ATG5: variants seen among roughly 807,000 people sequenced by gnomAD.
ATG5 encodes autophagy related 5, also known as autophagy protein 5.
A neutral mutation model predicts 36.5 loss-of-function variants in ATG5; 14 were observed. The ratio of observed to expected loss-of-function variants is 0.38; its 90% confidence interval spans 0.25 to 0.60. The LOEUF is 0.60. ATG5 is among the 20% of genes least tolerant of loss of function. The pLI is 0.60. For synonymous variants in ATG5, 95 were observed against 101.5 expected, an observed-to-expected ratio of 0.94 and a Z score of 0.38; for missense variants, 195 against 326.7, an observed-to-expected ratio of 0.60 and a Z score of 3.11.
intron 5 of ATG5, among the ~76,000 whole-genome samples, chr6:106,254,365 C>G (rs917264552): frequency 4.6e-5 from 7 of 152,146 alleles, no homozygotes; most frequent in African/African-American, 1.7e-4. Flanking sequence ...AAATGTAAGT[C>G]CCATGAGGGC....
At chr6:106,287,367 A>G (rs1780119809) in intron 4 of ATG5, among the ~76,000 whole-genome samples, 1 of 152,256 alleles carries the variant, frequency 6.6e-6, no homozygotes, top group African/African-American at 2.4e-5. Context: ...AAGCATGGTA[A>G]GCAAAACAGG....
chr6:106,299,609 T>A (rs1258466402), intron 3 of ATG5, among the ~76,000 whole-genome samples: 1 of 152,272 alleles, frequency 6.6e-6, no homozygotes, highest in Admixed American at 6.5e-5. Flanking sequence ...TATTCAATTC[T>A]CGAAATGAAT....
intron 7 of ATG5, among the ~76,000 whole-genome samples, chr6:106,197,396 C>A (rs1776239043): frequency 6.6e-6 from 1 of 152,000 alleles, no homozygotes; most frequent in African/African-American, 2.4e-5. Flanking sequence ...TAAACTCTGG[C>A]TTAAATTTCA....
At chr6:106,234,520 C>G (rs1777817276) in intron 6 of ATG5, among the ~76,000 whole-genome samples, 1 of 152,204 alleles carries the variant, frequency 6.6e-6, no homozygotes, top group Non-Finnish European at 1.5e-5. Flanking sequence ...ACTCCCAATG[C>G]ATCAGGTGGG....
chr6:106,208,540 G>GT, intron 6 of ATG5, among the ~76,000 whole-genome samples: 1 of 150,574 alleles, frequency 6.6e-6, no homozygotes, highest in East Asian at 1.9e-4. Context: ...ACGTTTTAAT[G>GT]TTTTTCTATA....
At position 106,222,449 on chromosome 6, in the gene ATG5, A is replaced by G. The variant is rs140535648; in HGVS notation, c.574-20360T>C. ...ACTTTCTGTAAAATTCCAGAATTTT[A>G]GCTGTTTCAATCTCTTCATATTAAG... On this transcript the variant is annotated intron_variant, in intron 6 of 7. Transcript: ENST00000369076. Among the ~76,000 whole-genome samples, 817 of 152,336 alleles carry G rather than the reference A, an allele frequency of 5.4e-3. 13 individuals are homozygous for G. Among genetic ancestry groups the G allele is most frequent in the African/African-American group, 0.019 (780 of 41,580 alleles).
intron 7 of ATG5, among the ~76,000 whole-genome samples, chr6:106,199,089 G>A (rs1776320195): frequency 6.6e-6 from 1 of 152,182 alleles, no homozygotes; most frequent in Non-Finnish European, 1.5e-5. Flanking sequence ...CTGAGGATGT[G>A]GAGAAACTGG....
chr6:106,251,114 C>T (rs569936399), intron 5 of ATG5, among the ~76,000 whole-genome samples: 19 of 152,364 alleles, frequency 1.2e-4, no homozygotes, highest in African/African-American at 4.6e-4. Context: ...CCCTTATCAA[C>T]ATCTCAATTT....
At chr6:106,303,290 C>CT (rs1770288781) in intron 3 of ATG5, among the ~76,000 whole-genome samples, 1 of 152,054 alleles carries the variant, frequency 6.6e-6, no homozygotes, top group South Asian at 2.1e-4. Flanking sequence ...ATAAACAACT[C>CT]TATGTTCATA....
At chr6:106,286,943 T>C (rs1476217246) in intron 4 of ATG5, among the ~76,000 whole-genome samples, 1 of 152,150 alleles carries the variant, frequency 6.6e-6, no homozygotes, top group Non-Finnish European at 1.5e-5. Context: ...GGCACCCTCA[T>C]AACCTAGGCA....
At chr6:106,314,305 C>T (rs1770759958) in intron 2 of ATG5, among the ~76,000 whole-genome samples, 1 of 152,116 alleles carries the variant, frequency 6.6e-6, no homozygotes, top group Non-Finnish European at 1.5e-5. Flanking sequence ...GCCTGTAATC[C>T]GGGCATTTTG....
Position 106,186,325 on chromosome 6 carries a change from G to C in ATG5, c.*215C>G. Reference sequence around the variant, plus strand: ...CCGGTAAGTCTTTCATGTCACAGCTGAGGTTTAATGATGGCAGTGGAGGAA... The same window carrying C: ...CCGGTAAGTCTTTCATGTCACAGCTCAGGTTTAATGATGGCAGTGGAGGAA... On this transcript the variant is annotated 3_prime_UTR_variant, in exon 8 of 8. Transcript: ENST00000369076. 2.0e-6 allele frequency: 1 copy of C among 509,464 alleles called. No homozygotes were observed. 31.6% of individuals were successfully genotyped at this position (509,464 alleles called of 1,614,324 possible).
At chr6:106,316,590 A>T (rs1465734572) in intron 1 of ATG5, among the ~76,000 whole-genome samples, 1 of 152,162 alleles carries the variant, frequency 6.6e-6, no homozygotes, top group Non-Finnish European at 1.5e-5. Flanking sequence ...GCTTACCTAA[A>T]GAGGAGCTTC....
chr6:106,213,555 G>C (rs937367138), intron 6 of ATG5, among the ~76,000 whole-genome samples: 10 of 152,128 alleles, frequency 6.6e-5, no homozygotes, highest in Non-Finnish European at 1.3e-4. Context: ...TAGAGAAAGA[G>C]ATAAAGTCAT....
At chr6:106,305,921 T>C (rs942011788) in intron 3 of ATG5, among the ~76,000 whole-genome samples, 5 of 152,332 alleles carry the variant, frequency 3.3e-5, no homozygotes, top group Non-Finnish European at 2.9e-5. Flanking sequence ...CTGGATTACA[T>C]TTATGGCTCT....
intron 4 of ATG5, among the ~76,000 whole-genome samples, chr6:106,281,551 C>T (rs1014051139): frequency 6.6e-6 from 1 of 152,134 alleles, no homozygotes; most frequent in African/African-American, 2.4e-5. Flanking sequence ...TTAATGAATA[C>T]ACCACAATCT....
At chr6:106,246,963 C>T (rs966066622) in intron 6 of ATG5, among the ~76,000 whole-genome samples, 2 of 152,134 alleles carry the variant, frequency 1.3e-5, no homozygotes, top group Non-Finnish European at 1.5e-5. Flanking sequence ...ACAATAACCC[C>T]GCCTTCATGA....
At chr6:106,248,315 G>T (rs1428269754) in intron 5 of ATG5, 71 bp from the exon 6 acceptor site, 4 of 1,151,086 alleles carry the variant, frequency 3.5e-6, no homozygotes, top group Non-Finnish European at 5.1e-6. Context: ...ATGAAGAGAT[G>T]AAAGTTTTAA....
At chr6:106,226,734 C>T (rs938419282) in intron 6 of ATG5, among the ~76,000 whole-genome samples, 2 of 152,068 alleles carry the variant, frequency 1.3e-5, no homozygotes, top group Non-Finnish European at 1.5e-5. Context: ...CATGTTGTTG[C>T]ATGTATCATT....
Sources: allele counts gnomAD v4.1 joint callset (sites outside exome capture counted in the v4.1 genomes callset), GRCh38; gene constraint gnomAD v4.1.1; transcripts MANE v1.5; gene names NCBI Gene and HGNC (gene_info 2026-07-23, HGNC 2026-07-21).